DLG2: variants seen among roughly 807,000 people sequenced by gnomAD.
DLG2 encodes the protein disks large homolog 2.
In DLG2, 45 loss-of-function variants were observed where a neutral mutation model predicts 132.5. The observed-to-expected ratio is 0.34, with a 90% CI of 0.27 to 0.44. The LOEUF (loss-of-function observed/expected upper bound fraction) is 0.44. Ranked by LOEUF, DLG2 falls within the 20% of genes least tolerant of loss-of-function variation. The probability of loss-of-function intolerance (pLI) is 1.00; values close to 1 mark genes in which losing one functional copy is unlikely to be tolerated. For missense variants in DLG2, 1,045 were observed against 1,196.9 expected (o/e 0.87, Z 1.87); for synonymous variants, 424 against 419.6 (o/e 1.01, Z -0.13).
chr11:84,469,050 G>A (rs1271766366), intron 7 of DLG2, among the ~76,000 whole-genome samples: 2 of 151,574 alleles, frequency 1.3e-5, no homozygotes, highest in African/African-American at 4.8e-5. Context: ...CATATTACTA[G>A]ACAACAGTCA....
At chr11:83,962,523 A>G (rs2154156900) in intron 14 of DLG2, among the ~76,000 whole-genome samples, 1 of 152,194 alleles carries the variant, frequency 6.6e-6, no homozygotes, top group Non-Finnish European at 1.5e-5. Context: ...CTAACCAAAT[A>G]TATAATATTG....
At chr11:84,739,335 C>T (rs548930518) in intron 6 of DLG2, among the ~76,000 whole-genome samples, 1 of 152,112 alleles carries the variant, frequency 6.6e-6, no homozygotes, top group East Asian at 1.9e-4. Flanking sequence ...CAAAGTAACT[C>T]CCAAATCAAT....
chr11:84,323,903 A>G (rs1469143498), intron 7 of DLG2, among the ~76,000 whole-genome samples: 1 of 151,730 alleles, frequency 6.6e-6, no homozygotes, highest in East Asian at 1.9e-4. Context: ...TTTTAATCAG[A>G]TTATTTGTTT....
At chr11:85,179,203 T>A (rs1325565343) in intron 4 of DLG2, among the ~76,000 whole-genome samples, 1 of 151,864 alleles carries the variant, frequency 6.6e-6, no homozygotes, top group Non-Finnish European at 1.5e-5. Flanking sequence ...AGAAAATAAT[T>A]GCTGTCCTAT....
At chr11:84,367,579 G>T (rs2098689313) in intron 7 of DLG2, among the ~76,000 whole-genome samples, 1 of 152,074 alleles carries the variant, frequency 6.6e-6, no homozygotes, top group Non-Finnish European at 1.5e-5. Context: ...GAGATGATTG[G>T]ATCATACATA....
intron 11 of DLG2, among the ~76,000 whole-genome samples, chr11:83,987,138 A>T (rs909576836): frequency 2.0e-4 from 30 of 152,094 alleles, no homozygotes; most frequent in Non-Finnish European, 4.0e-4. Flanking sequence ...GCAACTTACA[A>T]GGGACACGAA....
intron 17 of DLG2, among the ~76,000 whole-genome samples, chr11:83,812,748 G>A (rs929630138): frequency 7.2e-5 from 11 of 152,170 alleles, no homozygotes; most frequent in Admixed American, 6.5e-4. Context: ...ACAAGAAAGA[G>A]CATGAGGACA....
chr11:83,539,219 A>G (rs1345102167), intron 20 of DLG2, among the ~76,000 whole-genome samples: 1 of 152,230 alleles, frequency 6.6e-6, no homozygotes, highest in Admixed American at 6.5e-5. Context: ...GGAAGGTGAT[A>G]ATATTCATAC....
chr11:84,111,747 G>A (rs913936796), intron 9 of DLG2, among the ~76,000 whole-genome samples: 6 of 152,136 alleles, frequency 3.9e-5, no homozygotes, highest in African/African-American at 1.2e-4. Context: ...TGTTCTCAAG[G>A]AGCTTACAGT....
intron 4 of DLG2, among the ~76,000 whole-genome samples, chr11:85,256,557 C>A (rs543790966): frequency 6.6e-6 from 1 of 152,182 alleles, no homozygotes; most frequent in African/African-American, 2.4e-5. Flanking sequence ...CCCACTTGGG[C>A]TCCAGGAGTC....
chr11:84,215,464 A>T (rs1226475065), intron 8 of DLG2, among the ~76,000 whole-genome samples: 1 of 152,116 alleles, frequency 6.6e-6, no homozygotes, highest in Non-Finnish European at 1.5e-5. Flanking sequence ...AATCTTCTAC[A>T]AGTTGAGCAG....
At chr11:83,669,583 T>G (rs1024088583) in intron 18 of DLG2, among the ~76,000 whole-genome samples, 5 of 152,224 alleles carry the variant, frequency 3.3e-5, no homozygotes, top group Non-Finnish European at 5.9e-5. Flanking sequence ...AAGCATAATT[T>G]GTACCCTTAA....
intron 8 of DLG2, among the ~76,000 whole-genome samples, chr11:84,211,799 T>C (rs1429636780): frequency 6.6e-6 from 1 of 152,184 alleles, no homozygotes; most frequent in Admixed American, 6.6e-5. Flanking sequence ...ATCCCTTTTG[T>C]TAAAGGGAAA....
intron 6 of DLG2, among the ~76,000 whole-genome samples, chr11:84,551,627 T>G (rs1177249037): frequency 1.3e-5 from 2 of 152,232 alleles, no homozygotes; most frequent in Non-Finnish European, 2.9e-5. Flanking sequence ...AAGTAACTTG[T>G]TCACACAACT....
At chr11:84,138,866 T>C (rs1031981501) in intron 9 of DLG2, among the ~76,000 whole-genome samples, 2 of 150,988 alleles carry the variant, frequency 1.3e-5, no homozygotes, top group Non-Finnish European at 2.9e-5. Context: ...GGAGAATTGC[T>C]TGAACCCAAG....
At chr11:84,680,016 C>T (rs2099724755) in intron 6 of DLG2, among the ~76,000 whole-genome samples, 1 of 152,122 alleles carries the variant, frequency 6.6e-6, no homozygotes, top group African/African-American at 2.4e-5. Context: ...GTTTGGTCAT[C>T]CAGTAATACT....
chr11:84,536,413 GA>G (rs879572434), intron 6 of DLG2, among the ~76,000 whole-genome samples: 452 of 145,462 alleles, frequency 3.1e-3, no homozygotes, highest in African/African-American at 9.6e-3. Context: ...CTGCTTAGTA[GA>G]AAAAAAAAAA....
intron 6 of DLG2, among the ~76,000 whole-genome samples, chr11:84,816,455 T>G (rs4144288): frequency 0.25 from 38,380 of 151,614 alleles, 5,228 homozygotes; most frequent in African/African-American, 0.37. Flanking sequence ...ATTTTCTTCT[T>G]CTTTTCCACA....
At chr11:83,762,551 T>C (rs1359078160) in intron 18 of DLG2, among the ~76,000 whole-genome samples, 4 of 152,148 alleles carry the variant, frequency 2.6e-5, no homozygotes. Flanking sequence ...ATAAGGACAA[T>C]GGCAAACCTA....
Sources: allele counts gnomAD v4.1 joint callset (sites outside exome capture counted in the v4.1 genomes callset), GRCh38; gene constraint gnomAD v4.1.1; transcripts MANE v1.5; gene names NCBI Gene and HGNC (gene_info 2026-07-23, HGNC 2026-07-21).